Variants in MIDN observed in about 807,000 individuals in gnomAD.
MIDN encodes the protein midnolin.
In MIDN, 26 loss-of-function variants were observed where a neutral mutation model predicts 46.1. The observed-to-expected ratio is 0.56, with a 90% CI of 0.41 to 0.78. The LOEUF (loss-of-function observed/expected upper bound fraction) is 0.78. Ranked by LOEUF, MIDN falls within the 30% of genes least tolerant of loss-of-function variation. The pLI is 0.00. For missense variants in MIDN, 850 were observed against 771.8 expected (o/e 1.10, Z -1.20); for synonymous variants, 432 against 343.3 (o/e 1.26, Z -2.86).
rs752688585 is a variant in MIDN, at chr19:1,255,423, C to G, written c.987C>G (p.Gly329=). 2.6e-5 allele frequency: 42 copies of G among 1,585,876 alleles called. No individual in the cohort carries two copies. The highest frequency in any genetic ancestry group is 3.3e-5 in the Non-Finnish European group (39 of 1,167,378). ...APGVFSGTFS[G]TLHPNCQDSS... ...ACTCACGGCCACCTCTGCCCGCAGG[C>G]ACGCTACACCCCAACTGCCAAGACA... Residue 329 remains glycine (G), a splice_region_variant and synonymous_variant, in exon 8 of 9, where the codon GGC becomes GGG. Coordinates refer to ENST00000682408, the MANE Select transcript of MIDN (RefSeq NM_001388306.1).
At chr19:1,251,016 C>T (rs949696195) in intron 2 of MIDN, among the ~76,000 whole-genome samples, 2 of 151,618 alleles carry the variant, frequency 1.3e-5, no homozygotes, top group Non-Finnish European at 3.0e-5. Flanking sequence ...CGCGGGCCTC[C>T]GGGGACACGC....
intron 4 of MIDN, among the ~76,000 whole-genome samples, chr19:1,253,076 C>T (rs1422291605): frequency 6.6e-6 from 1 of 151,774 alleles, no homozygotes; most frequent in African/African-American, 2.4e-5. Flanking sequence ...CACTGGGCTC[C>T]CCAGGGTTGC....
rs2081222502 is a variant in MIDN at position 1,258,017 on chromosome 19, CGGGAAGGGAGAGGG to C, written c.*747_*760del. The C allele has an allele frequency of 6.6e-6, 1 of 152,406 alleles. No homozygotes were observed. Among genetic ancestry groups the C allele is most frequent in the Admixed American group, 6.5e-5 (1 of 15,278 alleles). The allele number at this position is 152,406 out of a possible 1,614,324, so 9.4% of individuals were successfully genotyped here. On this transcript the variant is annotated 3_prime_UTR_variant, in exon 9 of 9. Coordinates refer to ENST00000682408, the MANE Select transcript of MIDN (RefSeq NM_001388306.1). ...GCAGGGGCATGGCACCCTTTCCTGT[CGGGAAGGGAGAGGG>C]GAACTACCCCCCCAGCCTGCCCTCC...
At chr19:1,253,903 AGTTGGCCAGGGAGGGGCAGGCCCCC>A (rs932044268) in intron 4 of MIDN, 26 bp from the exon 5 acceptor site, 1 of 1,350,066 alleles carries the variant, frequency 7.4e-7, no homozygotes, top group African/African-American at 1.6e-5. Context: ...AGACCGACCT[AGTTGGCCAGGGAGGGGCAGGCCCCC>A]GTCTGACCCG....
intron 6 of MIDN, 53 bp downstream of exon 6, chr19:1,254,531 CGTCCTGGGGAG>C (rs1204409603): frequency 6.6e-7 from 1 of 1,521,496 alleles, no homozygotes; most frequent in Non-Finnish European, 8.8e-7. Flanking sequence ...AAGGGTGGGC[CGTCCTGGGGAG>C]GTCTTGGGGA....
At position 1,254,476 on chromosome 19, in the gene MIDN, G is replaced by C. The variant is rs951155864; in HGVS notation, c.823G>C (p.Glu275Gln). The C allele has an allele frequency of 1.3e-5, 20 of 1,552,422 alleles. No homozygotes were observed. The highest frequency in any genetic ancestry group is 1.7e-5 in the Non-Finnish European group (20 of 1,155,670). ...CCACGCAGCCTCCACCACCTGCCCGGAGGTGAGCCTGGGGAAGGGAAGGGT... is the reference window on the plus strand; with the variant it reads ...CCACGCAGCCTCCACCACCTGCCCGCAGGTGAGCCTGGGGAAGGGAAGGGT... The part of the protein sequence containing the change: ...RSHAASTTCP[E>Q]QMDCSPTASS... The change falls in exon 6 of 9, where the codon GAG becomes CAG. Residue 275 changes from glutamate to glutamine, a missense_variant and splice_region_variant. By Grantham distance (29) the Glu-to-Gln change is conservative. Transcript: ENST00000682408.
chr19:1,259,021 G>C lies in MIDN; in HGVS notation c.*1749G>C, dbSNP rs1344362298. On this transcript the variant is annotated 3_prime_UTR_variant, in exon 9 of 9. Coordinates refer to ENST00000682408, the MANE Select transcript of MIDN (RefSeq NM_001388306.1). ...AAGAAAGCATTACCCGCCCTCGGGG[G>C]GTCGGGCTGTGGGGGTCCCGGCACC... 1 of 151,910 alleles carries C rather than the reference G, an allele frequency of 6.6e-6. No individual in the cohort carries two copies. Among genetic ancestry groups the C allele is most frequent in the Non-Finnish European group, 1.5e-5 (1 of 67,924 alleles). The allele number at this position is 151,910 out of a possible 1,614,324, so 9.4% of individuals were successfully genotyped here.
At position 1,255,206 on chromosome 19, in the gene MIDN, C is replaced by G. The variant is rs552207280; in HGVS notation, c.985+145C>G. 10 of 1,172,644 alleles carry G rather than the reference C, an allele frequency of 8.5e-6. No individual in the cohort carries two copies. In the African/African-American group the frequency reaches 1.2e-4, roughly 15 times the overall value. The allele number at this position is 1,172,644 out of a possible 1,614,324, so 72.6% of individuals were successfully genotyped here. ...CTCACTTCACATGTCCCCCAGGAAT[C>G]CCCCACACACACGCCTGGCCCTGCC... On this transcript the variant is annotated intron_variant, in intron 7 of 8. Coordinates refer to ENST00000682408, the MANE Select transcript of MIDN (RefSeq NM_001388306.1).
chr19:1,256,939 C>G, intron 8 of MIDN, 56 bp from the exon 9 acceptor site: 1 of 1,596,454 alleles, frequency 6.3e-7, no homozygotes, highest in Non-Finnish European at 8.5e-7. Context: ...TGGGGTGGTC[C>G]TCTGTGTTCA....
intron 1 of MIDN, among the ~76,000 whole-genome samples, chr19:1,249,076 G>C (rs1370607885): frequency 2.0e-5 from 3 of 151,280 alleles, no homozygotes; most frequent in Non-Finnish European, 3.0e-5. Flanking sequence ...GGGCCCGGCA[G>C]AGGGCGCGCC....
At chr19:1,254,125 CGCAAGCTGGGGCTCCCA>C in intron 5 of MIDN, 25 bp from the exon 6 acceptor site, 1 of 1,564,650 alleles carries the variant, frequency 6.4e-7, no homozygotes, top group Non-Finnish European at 8.6e-7. Context: ...CTGGGGGCGC[CGCAAGCTGGGGCTCCCA>C]GCTGACGGAC....
Position 1,257,431 on chromosome 19 carries a change from T to A in MIDN, c.*159T>A. ...TTCTTCTTTTTTATTATTTTTTTCT[T>A]TTTTTAAAAAGTTCTGACCGTGGTT... On this transcript the variant is annotated 3_prime_UTR_variant, in exon 9 of 9. Transcript: ENST00000682408. The A allele has an allele frequency of 1.6e-6, 1 of 621,506 alleles. No individual in the cohort carries two copies. The highest frequency in any genetic ancestry group is 3.5e-5 in the Admixed American group (1 of 28,374). The allele number at this position is 621,506 out of a possible 1,614,324, so 38.5% of individuals were successfully genotyped here. A position where few individuals can be genotyped will look rare whatever the true frequency, so the allele number is the denominator to read the frequency against.
rs544218878 is a variant in MIDN, at chr19:1,251,777, C to T, written c.322-62C>T. The T allele has an allele frequency of 4.7e-4, 738 of 1,566,232 alleles. 5 individuals carry two copies. In the African/African-American group the frequency reaches 9.0e-3, roughly 19 times the overall value. Reference sequence around the variant, plus strand: ...CGCCAGCCAGCAGGGCCCTCTCCACCCCCTATTCCAGCCCAGGATTCCGAC... The same window carrying T: ...CGCCAGCCAGCAGGGCCCTCTCCACTCCCTATTCCAGCCCAGGATTCCGAC... On this transcript the variant is annotated intron_variant, in intron 3 of 8. Coordinates refer to ENST00000682408, the MANE Select transcript of MIDN (RefSeq NM_001388306.1).
intron 2 of MIDN, 77 bp from the exon 3 acceptor site, chr19:1,251,485 G>A: frequency 1.5e-6 from 2 of 1,330,878 alleles, no homozygotes; most frequent in Non-Finnish European, 1.0e-6. Flanking sequence ...CACAAGCACA[G>A]CCCTCCCCCG....
rs185625016 is a variant in MIDN at position 1,256,750 on chromosome 19, C to T, written c.1259-245C>T. Among the ~76,000 whole-genome samples, 969 of 152,270 alleles carry T rather than the reference C, an allele frequency of 6.4e-3. 8 individuals are homozygous for T. The highest frequency in any genetic ancestry group is 8.9e-3 in the Non-Finnish European group (604 of 68,016). On this transcript the variant is annotated intron_variant, in intron 8 of 8. Coordinates refer to ENST00000682408, the MANE Select transcript of MIDN (RefSeq NM_001388306.1). ...CCTGTCTCGAACTCCTGAGGTTGCC[C>T]AGGCCTGTCTCGAACTCCTGAGCTC...
chr19:1,255,820 G>A (rs898683751), intron 8 of MIDN, 126 bp downstream of exon 8: 22 of 884,936 alleles, frequency 2.5e-5, no homozygotes, highest in African/African-American at 1.2e-4. Flanking sequence ...GGCAGCTGCC[G>A]TGGCCACTGC....
intron 8 of MIDN, 55 bp downstream of exon 8, chr19:1,255,749 G>A (rs1390809619): frequency 2.1e-5 from 30 of 1,457,442 alleles, no homozygotes; most frequent in Admixed American, 2.4e-5. Context: ...GCTTCTCAAG[G>A]CCCCTCTGTG....
At chr19:1,256,705 G>T (rs969667675) in intron 8 of MIDN, among the ~76,000 whole-genome samples, 8 of 152,126 alleles carry the variant, frequency 5.3e-5, no homozygotes. Flanking sequence ...TAGAGGAGGG[G>T]TCTCGCTCTG....
At chr19:1,254,706 C>G (rs190673653) in intron 6 of MIDN, among the ~76,000 whole-genome samples, 196 bp from the exon 7 acceptor site, 26 of 152,128 alleles carry the variant, frequency 1.7e-4, no homozygotes, top group African/African-American at 5.8e-4. Flanking sequence ...AGTAGATGAT[C>G]TCTTGATCTT....
Sources: allele counts gnomAD v4.1 joint callset (sites outside exome capture counted in the v4.1 genomes callset), GRCh38; gene constraint gnomAD v4.1.1; transcripts MANE v1.5; gene names NCBI Gene and HGNC (gene_info 2026-07-23, HGNC 2026-07-21).